Variants in BMERB1 observed in about 807,000 individuals in gnomAD.
BMERB1 encodes the protein bMERB domain-containing protein 1.
BMERB1 carries 12 observed loss-of-function variants against 23.6 expected under a neutral mutation model. The observed-to-expected ratio is 0.51, with a 90% CI of 0.33 to 0.82. The LOEUF is 0.82. BMERB1 is among the 40% of genes least tolerant of loss of function. BMERB1 has a pLI of 0.03. For missense variants in BMERB1, 247 were observed against 255.4 expected, an observed-to-expected ratio of 0.97 and a Z score of 0.22; for synonymous variants, 122 against 96.6, an observed-to-expected ratio of 1.26 and a Z score of -1.54.
intron 1 of BMERB1, among the ~76,000 whole-genome samples, chr16:15,452,961 G>A (rs2051054637): frequency 6.6e-6 from 1 of 152,136 alleles, no homozygotes; most frequent in Admixed American, 6.6e-5. Context: ...ACCCGCAGAT[G>A]ACCACTAAGG....
At chr16:15,506,084 C>T (rs138617672) in intron 1 of BMERB1, among the ~76,000 whole-genome samples, 5 of 152,170 alleles carry the variant, frequency 3.3e-5, no homozygotes, top group African/African-American at 1.2e-4. Flanking sequence ...CTCATTATAG[C>T]ACTGCCCCAA....
At chr16:15,463,165 A>G (rs1395839366) in intron 1 of BMERB1, among the ~76,000 whole-genome samples, 1 of 151,184 alleles carries the variant, frequency 6.6e-6, no homozygotes, top group African/African-American at 2.4e-5. Flanking sequence ...TGCAGCTTTG[A>G]ACTCTTCATC....
chr16:15,565,000 A>G (rs2030523975), intron 2 of BMERB1, among the ~76,000 whole-genome samples: 1 of 151,880 alleles, frequency 6.6e-6, no homozygotes, highest in African/African-American at 2.4e-5. Flanking sequence ...TGTTTACTTT[A>G]TCGTAAATAC....
intron 2 of BMERB1, among the ~76,000 whole-genome samples, chr16:15,516,788 G>T (rs1049687724): frequency 6.6e-6 from 1 of 152,176 alleles, no homozygotes; most frequent in Admixed American, 6.5e-5. Context: ...GCTAGTAAAT[G>T]GGGAGTTAGG....
At chr16:15,577,971 T>G (rs1448892613) in intron 3 of BMERB1, among the ~76,000 whole-genome samples, 6 of 152,240 alleles carry the variant, frequency 3.9e-5, no homozygotes, top group Non-Finnish European at 7.3e-5. Context: ...GGAGATGGCC[T>G]TTCCCTGGCA....
At chr16:15,474,813 C>T (rs2051261448) in intron 1 of BMERB1, among the ~76,000 whole-genome samples, 1 of 152,074 alleles carries the variant, frequency 6.6e-6, no homozygotes, top group Admixed American at 6.6e-5. Flanking sequence ...CTCAGCCTCC[C>T]TAGTAGCTGG....
intron 2 of BMERB1, among the ~76,000 whole-genome samples, chr16:15,522,190 T>G (rs1185774922): frequency 1.3e-5 from 2 of 152,194 alleles, no homozygotes; most frequent in African/African-American, 4.8e-5. Flanking sequence ...GCCACTCAGC[T>G]TGCTCTGGGC....
intron 3 of BMERB1, among the ~76,000 whole-genome samples, chr16:15,573,437 G>C (rs2030781721): frequency 6.6e-6 from 1 of 152,148 alleles, no homozygotes; most frequent in African/African-American, 2.4e-5. Flanking sequence ...GGATGGGGGT[G>C]GGGGTGCAGT....
At chr16:15,485,696 G>GT (rs549673702) in intron 1 of BMERB1, among the ~76,000 whole-genome samples, 13 of 150,964 alleles carry the variant, frequency 8.6e-5, no homozygotes, top group Non-Finnish European at 1.6e-4. Context: ...ACATTTGTGG[G>GT]TTTTTTCCCC....
chr16:15,565,522 A>G (rs1212304877), intron 2 of BMERB1, among the ~76,000 whole-genome samples: 1 of 152,162 alleles, frequency 6.6e-6, no homozygotes, highest in Non-Finnish European at 1.5e-5. Flanking sequence ...AGCCTCAGAG[A>G]TGACAACAAT....
At chr16:15,527,178 G>T (rs1486236736) in intron 2 of BMERB1, among the ~76,000 whole-genome samples, 1 of 151,900 alleles carries the variant, frequency 6.6e-6, no homozygotes, top group Non-Finnish European at 1.5e-5. Context: ...TCCCTCCCCA[G>T]AATTTTTTTC....
chr16:15,497,779 A>C (rs944403377), intron 1 of BMERB1, among the ~76,000 whole-genome samples: 1 of 152,178 alleles, frequency 6.6e-6, no homozygotes, highest in Non-Finnish European at 1.5e-5. Context: ...AAGCCCTAGG[A>C]TGGCGGGATA....
chr16:15,509,138 GC>G (rs2051627484), intron 1 of BMERB1, among the ~76,000 whole-genome samples: 1 of 151,998 alleles, frequency 6.6e-6, no homozygotes, highest in African/African-American at 2.4e-5. Flanking sequence ...CCCACGCCTC[GC>G]CCCAGGGTGT....
intron 3 of BMERB1, among the ~76,000 whole-genome samples, chr16:15,575,834 G>A (rs897016738): frequency 6.6e-6 from 1 of 151,720 alleles, no homozygotes; most frequent in African/African-American, 2.4e-5. Context: ...TGCTTTCTGC[G>A]ACCAATCAGA....
intron 1 of BMERB1, among the ~76,000 whole-genome samples, chr16:15,438,065 C>T (rs886413881): frequency 6.6e-6 from 1 of 152,064 alleles, no homozygotes; most frequent in African/African-American, 2.4e-5. Context: ...CTGATCTGTA[C>T]TTGCGTGGAT....
At chr16:15,495,427 A>G (rs771926714) in intron 1 of BMERB1, among the ~76,000 whole-genome samples, 3 of 151,424 alleles carry the variant, frequency 2.0e-5, no homozygotes, top group Non-Finnish European at 2.9e-5. Flanking sequence ...GTGCAGTGGC[A>G]TGATCTTGGC....
At chr16:15,573,048 G>A (rs1335342703) in intron 3 of BMERB1, among the ~76,000 whole-genome samples, 1 of 152,146 alleles carries the variant, frequency 6.6e-6, no homozygotes, top group Admixed American at 6.5e-5. Context: ...AAATTACCCA[G>A]TTGCGGGTAT....
chr16:15,569,978 A>G (rs1432612130), intron 3 of BMERB1, among the ~76,000 whole-genome samples: 1 of 152,218 alleles, frequency 6.6e-6, no homozygotes, highest in African/African-American at 2.4e-5. Context: ...AATGTCTCCC[A>G]AAGCTAGCAT....
At chr16:15,452,128 A>C (rs1366853922) in intron 1 of BMERB1, among the ~76,000 whole-genome samples, 1 of 151,706 alleles carries the variant, frequency 6.6e-6, no homozygotes, top group East Asian at 2.0e-4. Context: ...AAACAGTTCT[A>C]AAAATTATCC....
Sources: gnomAD v4.1 joint callset for allele counts (sites outside exome capture counted in the v4.1 genomes callset) on GRCh38, gnomAD v4.1.1 for gene constraint, MANE v1.5 for transcripts, NCBI Gene and HGNC (gene_info 2026-07-23, HGNC 2026-07-21) for gene names.